The following BANP variants were observed in gnomAD, a reference collection of about 807,000 sequenced individuals.
BANP encodes the protein BTG3 associated nuclear protein, also known as protein BANP.
A neutral mutation model predicts 68.1 loss-of-function variants in BANP; 11 were observed. That is an observed-to-expected ratio of 0.16 (90% confidence interval 0.10 to 0.27). The LOEUF (loss-of-function observed/expected upper bound fraction) is 0.27. Ranked by LOEUF, BANP falls within the 10% of genes least tolerant of loss-of-function variation. BANP has a pLI of 1.00. For synonymous variants in BANP, 329 were observed against 303.2 expected (o/e 1.09, Z -0.88); for missense variants, 504 against 722.7 (o/e 0.70, Z 3.47).
At chr16:88,040,708 C>T (rs555430662) in intron 11 of BANP, among the ~76,000 whole-genome samples, 11 of 152,386 alleles carry the variant, frequency 7.2e-5, no homozygotes, top group Middle Eastern at 3.4e-3. Context: ...CTCAGCTCCC[C>T]GTACTGTCCC....
At chr16:88,024,961 T>C (rs2076709885) in intron 7 of BANP, among the ~76,000 whole-genome samples, 1 of 152,260 alleles carries the variant, frequency 6.6e-6, no homozygotes, top group Non-Finnish European at 1.5e-5. Context: ...TTATCTTCTT[T>C]CCTGTTACTA....
intron 11 of BANP, among the ~76,000 whole-genome samples, chr16:88,040,478 C>T (rs541616305): frequency 6.6e-6 from 1 of 150,376 alleles, no homozygotes; most frequent in African/African-American, 2.5e-5. Flanking sequence ...CGTCCCCATG[C>T]CTACAGAAGC....
In BANP at chr16:88,071,371, T is replaced by C. The variant is rs767722557; in HGVS notation, c.1378-698T>C. 1.4e-4 allele frequency: 57 copies of C among 406,050 alleles called. No individual in the cohort carries two copies. Among genetic ancestry groups the C allele is most frequent in the East Asian group, 1.2e-3 (16 of 13,906 alleles). The allele number at this position is 406,050 out of a possible 1,614,324, so 25.2% of individuals were successfully genotyped here. On this transcript the variant is annotated intron_variant, in intron 12 of 13. Transcript: ENST00000682872. The surrounding 1 kb of genome is among the most constrained non-coding windows in gnomAD (Gnocchi z 6.5). Reference sequence around the variant, plus strand: ...AGCGCCCAGTGGATTGAGTGGGAAGTGGGCCTGGGTGCTTACAGGCGATGG... The same window carrying C: ...AGCGCCCAGTGGATTGAGTGGGAAGCGGGCCTGGGTGCTTACAGGCGATGG...
chr16:88,013,351 C>T (rs2073698164), intron 6 of BANP, among the ~76,000 whole-genome samples: 1 of 152,212 alleles, frequency 6.6e-6, no homozygotes. Context: ...ACAGGACGGG[C>T]CCTCCCTCAG....
At chr16:88,063,369 T>G (rs550427789) in intron 11 of BANP, among the ~76,000 whole-genome samples, 1 of 152,356 alleles carries the variant, frequency 6.6e-6, no homozygotes, top group East Asian at 1.9e-4. Context: ...CTCCCTGCCC[T>G]TCCACGTGGC....
chr16:87,991,108 G>C (rs956234145), intron 4 of BANP, among the ~76,000 whole-genome samples: 2 of 152,190 alleles, frequency 1.3e-5, no homozygotes, highest in Non-Finnish European at 2.9e-5. Context: ...CTACATGCTA[G>C]GGCTGAGTAC....
chr16:88,054,847 C>T (rs758097187), intron 11 of BANP, among the ~76,000 whole-genome samples: 1 of 152,168 alleles, frequency 6.6e-6, no homozygotes, highest in African/African-American at 2.4e-5. Context: ...AGGATAAAGC[C>T]TTCACAGTGT....
intron 1 of BANP, among the ~76,000 whole-genome samples, chr16:87,953,033 C>T (rs1396897363): frequency 1.3e-5 from 2 of 152,056 alleles, no homozygotes; most frequent in Non-Finnish European, 2.9e-5. Flanking sequence ...TTCCACGCTG[C>T]GTGGGGGCAG....
rs926627436 is a variant in BANP, at chr16:88,074,703, A to C, written c.1522-1887A>C. On this transcript the variant is annotated intron_variant, in intron 13 of 13. Transcript: ENST00000682872. ...CCCAGGCGGTGGCCCCCCTACCCCA[A>C]CCTCCCATGGCCTTCAGCCACCCAC... 2.0e-4 allele frequency among the ~76,000 whole-genome samples: 30 copies of C among 151,508 alleles called. 1 individual carries two copies. Among genetic ancestry groups the C allele is most frequent in the African/African-American group, 7.0e-4 (29 of 41,236 alleles).
chr16:88,001,843 T>C (rs2069450193), intron 4 of BANP, among the ~76,000 whole-genome samples: 1 of 152,058 alleles, frequency 6.6e-6, no homozygotes, highest in South Asian at 2.1e-4. Flanking sequence ...TCGTATGCAT[T>C]TGCAACAGAA....
chr16:87,959,507 A>G (rs950456493), intron 1 of BANP, among the ~76,000 whole-genome samples: 1 of 152,164 alleles, frequency 6.6e-6, no homozygotes, highest in African/African-American at 2.4e-5. Flanking sequence ...GCTGCTTGCG[A>G]GGGAGGCGGC....
intron 1 of BANP, among the ~76,000 whole-genome samples, chr16:87,961,669 TG>T (rs1386560103): frequency 2.6e-5 from 4 of 152,236 alleles, no homozygotes; most frequent in Non-Finnish European, 5.9e-5. Flanking sequence ...ATGTTTTGTA[TG>T]TACCATGAAT....
intron 10 of BANP, 88 bp downstream of exon 10, chr16:88,035,482 C>A: frequency 1.6e-6 from 2 of 1,281,306 alleles, no homozygotes; most frequent in South Asian, 1.3e-5. Context: ...GCGAGGGCAG[C>A]AGGGAGCCCC....
intron 7 of BANP, among the ~76,000 whole-genome samples, chr16:88,024,527 G>A (rs1327401053): frequency 1.3e-5 from 2 of 152,360 alleles, no homozygotes; most frequent in South Asian, 4.1e-4. Flanking sequence ...GCTCAGTGCT[G>A]TCAGAAAAGG....
chr16:88,065,816 G>A (rs770434412), intron 12 of BANP, among the ~76,000 whole-genome samples: 11 of 152,256 alleles, frequency 7.2e-5, no homozygotes, highest in Middle Eastern at 3.4e-3. Context: ...CAAGGAAAGC[G>A]AGTATGGAAG....
chr16:87,983,173 T>C (rs1333298131), intron 3 of BANP, among the ~76,000 whole-genome samples: 1 of 152,204 alleles, frequency 6.6e-6, no homozygotes, highest in African/African-American at 2.4e-5. Context: ...TGTGCTGTTT[T>C]CAGCTGTTGA....
At chr16:87,967,373 G>T (rs1021133606) in intron 1 of BANP, among the ~76,000 whole-genome samples, 1 of 149,848 alleles carries the variant, frequency 6.7e-6, no homozygotes, top group Non-Finnish European at 1.5e-5. Flanking sequence ...CTCCCGAAGT[G>T]CTGGGATTAC....
At chr16:87,998,602 G>A (rs1373740684) in intron 4 of BANP, among the ~76,000 whole-genome samples, 12 of 67,944 alleles carry the variant, frequency 1.8e-4, no homozygotes, top group African/African-American at 4.7e-4. Context: ...TTCCAGACAC[G>A]TCTCCATGCC....
intron 11 of BANP, among the ~76,000 whole-genome samples, chr16:88,040,691 C>T (rs868144639): frequency 5.9e-5 from 9 of 152,372 alleles, no homozygotes; most frequent in Middle Eastern, 3.4e-3. Context: ...TGTGACACTG[C>T]AGATGGCTCA....
Sources: gnomAD v4.1 joint callset for allele counts (sites outside exome capture counted in the v4.1 genomes callset) on GRCh38, gnomAD v4.1.1 for gene constraint, Gnocchi (gnomAD v3.1) non-coding constraint, MANE v1.5 for transcripts, NCBI Gene and HGNC (gene_info 2026-07-23, HGNC 2026-07-21) for gene names.